The following SMIM31 variants were observed in gnomAD, a reference collection of about 807,000 sequenced individuals.
SMIM31 encodes the protein human epithelial cell program regulator.
At chr4:164,763,489 A>C (rs1055272995) in intron 1 of SMIM31, among the ~76,000 whole-genome samples, 1 of 152,218 alleles carries the variant, frequency 6.6e-6, no homozygotes, top group African/African-American at 2.4e-5. Context: ...AATTAAAGAA[A>C]AAAACTTTTT....
intron 2 of SMIM31, among the ~76,000 whole-genome samples, chr4:164,780,807 T>G (rs1732939987): frequency 6.6e-6 from 1 of 152,166 alleles, no homozygotes; most frequent in African/African-American, 2.4e-5. Flanking sequence ...ATATACTACT[T>G]TTTTTAATTT....
At chr4:164,779,119 G>A (rs180697364) in intron 2 of SMIM31, among the ~76,000 whole-genome samples, 16 of 152,192 alleles carry the variant, frequency 1.1e-4, no homozygotes, top group Admixed American at 6.5e-4. Context: ...TCTTTTGGTC[G>A]CAGAGAAGTT....
At chr4:164,792,582 C>A (rs950385938) in intron 2 of SMIM31, among the ~76,000 whole-genome samples, 10 of 152,090 alleles carry the variant, frequency 6.6e-5, no homozygotes, top group African/African-American at 2.4e-4. Flanking sequence ...GAATTTGTTT[C>A]AAAAGGTTTT....
chr4:164,795,925 T>A (rs1401556399), intron 2 of SMIM31, among the ~76,000 whole-genome samples: 1 of 152,116 alleles, frequency 6.6e-6, no homozygotes, highest in Non-Finnish European at 1.5e-5. Flanking sequence ...CGGCTTCTGA[T>A]CACAGGTCAC....
At chr4:164,780,281 G>T (rs889723674) in intron 2 of SMIM31, among the ~76,000 whole-genome samples, 1 of 152,158 alleles carries the variant, frequency 6.6e-6, no homozygotes, top group Admixed American at 6.5e-5. Context: ...CAAAAAATTA[G>T]CCAGGCGTGG....
chr4:164,773,019 C>A (rs1223411868), intron 2 of SMIM31, among the ~76,000 whole-genome samples: 3 of 75,260 alleles, frequency 4.0e-5, no homozygotes, highest in East Asian at 4.1e-4. Flanking sequence ...TTGAAAAAGA[C>A]ACTTGGCTTT....
chr4:164,791,375 T>A (rs1168821665), intron 2 of SMIM31, among the ~76,000 whole-genome samples: 1 of 152,176 alleles, frequency 6.6e-6, no homozygotes, highest in East Asian at 1.9e-4. Context: ...CTCTGTTGCC[T>A]AGGCTGGACT....
intron 1 of SMIM31, among the ~76,000 whole-genome samples, chr4:164,766,176 G>A (rs908555660): frequency 2.6e-5 from 4 of 152,152 alleles, no homozygotes; most frequent in Admixed American, 6.5e-5. Context: ...CAACCATGCT[G>A]CCTGTTTTAT....
At chr4:164,763,124 G>C (rs1242740321) in intron 1 of SMIM31, among the ~76,000 whole-genome samples, 1 of 152,210 alleles carries the variant, frequency 6.6e-6, no homozygotes, top group African/African-American at 2.4e-5. Flanking sequence ...AAGAACTTTA[G>C]TAAACCTATA....
At chr4:164,799,527 G>A (rs1733256050) in intron 2 of SMIM31, among the ~76,000 whole-genome samples, 1 of 152,108 alleles carries the variant, frequency 6.6e-6, no homozygotes, top group African/African-American at 2.4e-5. Context: ...CAAGTAGTGA[G>A]GCAGGAAAAA....
Position 164,784,267 on chromosome 4 carries a change from C to T in SMIM31, c.112+13712C>T, listed in dbSNP as rs1424447148. ...TCCAAGCTTGACTCCCAAGACTGCT[C>T]GCCTTTGAGTTATTATAGACTAATG... On this transcript the variant is annotated intron_variant, in intron 2 of 2. Coordinates refer to ENST00000507311, the MANE Select transcript of SMIM31 (RefSeq NM_001352885.1). 2.0e-5 allele frequency among the ~76,000 whole-genome samples: 3 copies of T among 152,138 alleles called. No individual in the cohort carries two copies. The South Asian group carries it at 6.2e-4, about 32-fold the overall frequency.
chr4:164,756,309 G>A (rs1302399076), intron 1 of SMIM31, among the ~76,000 whole-genome samples: 4 of 152,078 alleles, frequency 2.6e-5, no homozygotes, highest in Non-Finnish European at 4.4e-5. Flanking sequence ...GGTGGCTCAC[G>A]CCTGTAATCC....
chr4:164,772,791 G>A (rs185357241), intron 2 of SMIM31, among the ~76,000 whole-genome samples: 3,147 of 151,286 alleles, frequency 0.021, 40 homozygotes, highest in Middle Eastern at 0.028. Context: ...TGTTAGCCGG[G>A]ATGGTCTCGA....
chr4:164,761,081 G>A (rs548630597), intron 1 of SMIM31, among the ~76,000 whole-genome samples: 49 of 152,234 alleles, frequency 3.2e-4, no homozygotes, highest in African/African-American at 1.2e-3. Flanking sequence ...GCCATTCTAA[G>A]CCAAAGAATT....
intron 1 of SMIM31, among the ~76,000 whole-genome samples, chr4:164,765,719 T>C (rs1732711860): frequency 6.6e-6 from 1 of 152,058 alleles, no homozygotes; most frequent in African/African-American, 2.4e-5. Context: ...ACAAGGCCTT[T>C]GAAGGCAAGG....
chr4:164,761,828 A>G (rs10009649), intron 1 of SMIM31, among the ~76,000 whole-genome samples: 19,677 of 151,666 alleles, frequency 0.13, 1,538 homozygotes, highest in African/African-American at 0.21. Flanking sequence ...GGAGGCTGAG[A>G]CAGAGAAGTG....
intron 2 of SMIM31, among the ~76,000 whole-genome samples, chr4:164,791,282 G>A (rs571781611): frequency 4.7e-4 from 72 of 152,248 alleles, no homozygotes; most frequent in African/African-American, 1.6e-3. Context: ...TGCTATGAAA[G>A]AAGACATGAT....
chr4:164,793,639 A>G (rs6852983), intron 2 of SMIM31, among the ~76,000 whole-genome samples: 110,495 of 151,926 alleles, frequency 0.73, 40,690 homozygotes, highest in Non-Finnish European at 0.8. Context: ...AATGCAGGGA[A>G]AAAGAGCAAG....
At chr4:164,795,556 CTCAA>C (rs1264030184) in intron 2 of SMIM31, among the ~76,000 whole-genome samples, 1 of 47,106 alleles carries the variant, frequency 2.1e-5, no homozygotes, top group African/African-American at 9.5e-5. Context: ...GATACTCCAT[CTCAA>C]AAAAAAAAAA....
Sources: allele counts gnomAD v4.1 joint callset (sites outside exome capture counted in the v4.1 genomes callset), GRCh38; gene constraint gnomAD v4.1.1; transcripts MANE v1.5; gene names NCBI Gene and HGNC (gene_info 2026-07-23, HGNC 2026-07-21).